Variants in OSBPL9 observed in about 807,000 individuals in gnomAD.
OSBPL9 encodes the protein oxysterol-binding protein-related protein 9.
OSBPL9 carries 40 observed loss-of-function variants against 106.6 expected under a neutral mutation model. That is an observed-to-expected ratio of 0.38 (90% confidence interval 0.29 to 0.49). The LOEUF is 0.49. Ranked by LOEUF, OSBPL9 falls within the 20% of genes least tolerant of loss-of-function variation. The pLI is 0.97. For missense variants in OSBPL9, 609 were observed against 887.2 expected, an observed-to-expected ratio of 0.69 and a Z score of 3.98; for synonymous variants, 269 against 295.4, an observed-to-expected ratio of 0.91 and a Z score of 0.92.
chr1:51,596,336 T>C (rs1427511193), intron 1 of OSBPL9, among the ~76,000 whole-genome samples: 1 of 144,380 alleles, frequency 6.9e-6, no homozygotes, highest in Non-Finnish European at 1.5e-5. Flanking sequence ...CTGAGGTGAA[T>C]GGATCACCAC....
At chr1:51,563,725 A>C in the OSBPL9 span, 1 of 152,082 alleles carries the variant, frequency 6.6e-6, no homozygotes, top group South Asian at 2.1e-4. Flanking sequence ...GATGTATTCA[A>C]AGTCTTCCCA....
the OSBPL9 span, among the ~76,000 whole-genome samples, chr1:51,554,966 G>T: frequency 2.0e-5 from 3 of 152,162 alleles, no homozygotes; most frequent in Non-Finnish European, 4.4e-5. Flanking sequence ...GAAATACAAG[G>T]GTTATTAATA....
upstream of OSBPL9, among the ~76,000 whole-genome samples, chr1:51,614,023 T>C (rs1012629242): frequency 2.6e-5 from 4 of 152,130 alleles, no homozygotes; most frequent in African/African-American, 9.7e-5. Context: ...GCTCGAGCTG[T>C]CCTCCCACCT....
At chr1:51,518,746 C>G in the OSBPL9 span, among the ~76,000 whole-genome samples, 2 of 152,004 alleles carry the variant, frequency 1.3e-5, no homozygotes, top group Admixed American at 6.5e-5. Flanking sequence ...GGGGGCGGCG[C>G]GCAGCCGGCC....
intron 4 of OSBPL9, among the ~76,000 whole-genome samples, chr1:51,714,782 T>C (rs1233960733): frequency 6.6e-6 from 1 of 152,218 alleles, no homozygotes; most frequent in Non-Finnish European, 1.5e-5. Flanking sequence ...TCACCCTAGC[T>C]TTGGCCATGT....
chr1:51,552,080 A>G, the OSBPL9 span, among the ~76,000 whole-genome samples: 12,553 of 149,954 alleles, frequency 0.084, 598 homozygotes, highest in African/African-American at 0.11. Flanking sequence ...CCACAGTGCT[A>G]TAATAGGCAA....
chr1:51,655,168 T>G lies in OSBPL9; in HGVS notation c.162+3127T>G, dbSNP rs1360083174. On this transcript the variant is annotated intron_variant, in intron 2 of 23. Transcript: ENST00000428468. The stretch of plus-strand genomic sequence containing the variant: ...CAGACATCTCTGTTGGGTTTTGTGC[T>G]TAAGGTCTCGTATGACTGAAATCAA... Among the ~76,000 whole-genome samples, 4 of 152,290 alleles carry G rather than the reference T, an allele frequency of 2.6e-5. No homozygotes were observed. In the East Asian group the frequency reaches 7.7e-4, roughly 29 times the overall value.
chr1:51,538,705 G>A, the OSBPL9 span: 1 of 150,592 alleles, frequency 6.6e-6, no homozygotes, highest in African/African-American at 2.4e-5. Context: ...CTTTTTTTTT[G>A]TAAATATGCT....
chr1:51,589,914 T>TC (rs201073574), intron 1 of OSBPL9, among the ~76,000 whole-genome samples: 3,873 of 151,372 alleles, frequency 0.026, 71 homozygotes, highest in South Asian at 0.054. Flanking sequence ...GTGCCTGTAA[T>TC]CCCACCTACT....
chr1:51,726,429 C>T (rs1172595179), intron 4 of OSBPL9, among the ~76,000 whole-genome samples: 2 of 151,856 alleles, frequency 1.3e-5, no homozygotes, highest in Non-Finnish European at 2.9e-5. Context: ...TTTTTTCTTC[C>T]ATTGCTACCA....
chr1:51,610,561 GA>G (rs1266367418), intron 2 of OSBPL9, among the ~76,000 whole-genome samples: 1 of 152,228 alleles, frequency 6.6e-6, no homozygotes, highest in Admixed American at 6.5e-5. Flanking sequence ...TTATATTGGA[GA>G]TAGAGAGGTG....
the OSBPL9 span, among the ~76,000 whole-genome samples, chr1:51,559,442 C>CAT: frequency 3.7e-5 from 3 of 82,032 alleles, no homozygotes; most frequent in Admixed American, 3.8e-4. Flanking sequence ...CACATACATA[C>CAT]ACACACACAC....
chr1:51,698,611 A>G (rs1030607704), intron 3 of OSBPL9, among the ~76,000 whole-genome samples: 3 of 152,228 alleles, frequency 2.0e-5, no homozygotes, highest in African/African-American at 7.2e-5. Flanking sequence ...GCTGGAAAAT[A>G]TAATGAATAG....
chr1:51,523,267 T>G, the OSBPL9 span, among the ~76,000 whole-genome samples: 2 of 151,902 alleles, frequency 1.3e-5, no homozygotes, highest in African/African-American at 4.8e-5. Flanking sequence ...TTTTTTTTGT[T>G]TTATTTATTT....
At chr1:51,773,172 G>A (rs1253250327) in intron 14 of OSBPL9, among the ~76,000 whole-genome samples, 1 of 152,156 alleles carries the variant, frequency 6.6e-6, no homozygotes, top group Non-Finnish European at 1.5e-5. Flanking sequence ...TGTGACCTCT[G>A]TCTCCCAGGT....
At chr1:51,670,101 A>C (rs1318115151) in intron 3 of OSBPL9, among the ~76,000 whole-genome samples, 3 of 152,174 alleles carry the variant, frequency 2.0e-5, no homozygotes, top group African/African-American at 7.2e-5. Flanking sequence ...ATTGCATGCT[A>C]TGGTTCACCG....
chr1:51,711,257 G>A (rs1039147665), intron 3 of OSBPL9, among the ~76,000 whole-genome samples: 2 of 150,908 alleles, frequency 1.3e-5, no homozygotes, highest in Non-Finnish European at 3.0e-5. Context: ...CGGGCAGAGG[G>A]GCTCCTCACT....
intron 1 of OSBPL9, among the ~76,000 whole-genome samples, chr1:51,646,666 T>C (rs1053599925): frequency 6.6e-6 from 1 of 152,238 alleles, no homozygotes; most frequent in Middle Eastern, 3.4e-3. Context: ...GCCTCCTGAG[T>C]AGCTGGGACT....
chr1:51,558,112 C>G, the OSBPL9 span, among the ~76,000 whole-genome samples: 7 of 152,132 alleles, frequency 4.6e-5, no homozygotes, highest in Admixed American at 3.9e-4. Context: ...AACCCCCTCT[C>G]TACTAAAAAT....
Sources: gnomAD v4.1 joint callset for allele counts (sites outside exome capture counted in the v4.1 genomes callset) on GRCh38, gnomAD v4.1.1 for gene constraint, MANE v1.5 for transcripts, NCBI Gene and HGNC (gene_info 2026-07-23, HGNC 2026-07-21) for gene names.